Variants in STRIP2 observed in about 807,000 individuals in gnomAD.
STRIP2 encodes striatin-interacting protein 2.
Under a neutral mutation model 107.1 loss-of-function variants are expected in STRIP2, and 84 were observed. The observed-to-expected ratio is 0.78, with a 90% CI of 0.66 to 0.94. The LOEUF is 0.94. Ranked by LOEUF, STRIP2 falls within the 40% of genes least tolerant of loss-of-function variation. The pLI, the probability that STRIP2 is intolerant of heterozygous loss-of-function variation, is 0.00. For missense variants in STRIP2, 888 were observed against 1,034.2 expected (o/e 0.86, Z 1.94); for synonymous variants, 394 against 400.4 (o/e 0.98, Z 0.19).
At chr7:129,485,108 C>T (rs906304392) in intron 20 of STRIP2, among the ~76,000 whole-genome samples, 1 of 152,106 alleles carries the variant, frequency 6.6e-6, no homozygotes, top group Non-Finnish European at 1.5e-5. Flanking sequence ...CCCTCTTGCC[C>T]CTTCCTATTC....
At chr7:129,445,302 A>T (rs993654398) in intron 3 of STRIP2, among the ~76,000 whole-genome samples, 2 of 152,074 alleles carry the variant, frequency 1.3e-5, no homozygotes, top group African/African-American at 4.8e-5. Flanking sequence ...CCAACACTGT[A>T]ACTCCCTTCT....
intron 4 of STRIP2, among the ~76,000 whole-genome samples, chr7:129,452,548 G>A (rs1020799068): frequency 2.0e-5 from 3 of 152,140 alleles, no homozygotes; most frequent in African/African-American, 4.8e-5. Context: ...TTTGCCCAAG[G>A]ACTTTATTTA....
intron 1 of STRIP2, 26 bp downstream of exon 1, chr7:129,434,627 G>A: frequency 6.9e-7 from 1 of 1,452,596 alleles, no homozygotes; most frequent in South Asian, 1.3e-5. Flanking sequence ...AGCTTCGGCT[G>A]GGGCCCGGAG....
Position 129,451,759 on chromosome 7 carries a change from C to A in STRIP2, c.409+12C>A, listed in dbSNP as rs761527847. On this transcript the variant is annotated intron_variant, in intron 4 of 20. Transcript: ENST00000249344. ...CTACCTGGCCCAAGGTGAGTGACCA[C>A]CCTTGCTAGCTTTAGAGGGGTGGAG... is the stretch of plus-strand genomic sequence containing the variant. 1.5e-5 allele frequency: 24 copies of A among 1,601,570 alleles called. No homozygotes were observed. The highest frequency in any genetic ancestry group is 5.7e-5 in the African/African-American group (4 of 69,608).
At chr7:129,463,118 G>T in intron 14 of STRIP2, 78 bp downstream of exon 14, 1 of 1,181,910 alleles carries the variant, frequency 8.5e-7, no homozygotes, top group Non-Finnish European at 1.2e-6. Context: ...AAGTGGACCT[G>T]TCCAACACTT....
Position 129,454,228 on chromosome 7 carries a change from T to C in STRIP2, c.599+18T>C, listed in dbSNP as rs113700662. The stretch of plus-strand genomic sequence containing the variant: ...GAGCTCAGGTGAGTGGGGCTAACTA[T>C]GGGCTTGGAACAGGGCAGATGATTA... On this transcript the variant is annotated intron_variant, in intron 6 of 20. Coordinates refer to ENST00000249344, the MANE Select transcript of STRIP2 (RefSeq NM_020704.3). 40 of 1,613,646 alleles carry C rather than the reference T, an allele frequency of 2.5e-5. No homozygotes were observed. The African/African-American group carries it at 5.1e-4, about 20-fold the overall frequency.
intron 15 of STRIP2, 39 bp from the exon 16 acceptor site, chr7:129,464,573 G>A: frequency 6.2e-7 from 1 of 1,612,530 alleles, no homozygotes; most frequent in Non-Finnish European, 8.5e-7. Flanking sequence ...CTCCCTTTAA[G>A]GCCACTCTCT....
At chr7:129,468,191 A>C (rs1798715360) in intron 17 of STRIP2, among the ~76,000 whole-genome samples, 1 of 152,208 alleles carries the variant, frequency 6.6e-6, no homozygotes, top group Non-Finnish European at 1.5e-5. Flanking sequence ...GAAATATGTT[A>C]ATCAGTAGAG....
In STRIP2 at chr7:129,456,578, A is replaced by G; in HGVS notation, c.974A>G (p.Asp325Gly). Residue 325 changes from aspartate to glycine, a missense_variant, in exon 9 of 21, where the codon GAC (aspartate) becomes GGC (glycine). By Grantham distance (94) the Asp-to-Gly change is moderately conservative. Coordinates refer to ENST00000249344, the MANE Select transcript of STRIP2 (RefSeq NM_020704.3). ...GCCTCCCCGCCCTCTTACACTCTTG[A>G]CCTGGGAGAGTCTCAGCTGGCACCC... is the stretch of plus-strand genomic sequence containing the variant. ...RAASPPSYTL[D>G]LGESQLAPPP... 1 of 1,613,800 alleles carries G rather than the reference A, an allele frequency of 6.2e-7. No homozygotes were observed. Among genetic ancestry groups the G allele is most frequent in the Non-Finnish European group, 8.5e-7 (1 of 1,179,966 alleles).
intron 18 of STRIP2, among the ~76,000 whole-genome samples, chr7:129,480,038 A>G (rs1344894485): frequency 6.6e-6 from 1 of 152,100 alleles, no homozygotes; most frequent in Non-Finnish European, 1.5e-5. Context: ...AATTTCCAAG[A>G]TGTTAGTTTG....
At chr7:129,469,800 T>C (rs1798750689) in intron 17 of STRIP2, among the ~76,000 whole-genome samples, 1 of 152,250 alleles carries the variant, frequency 6.6e-6, no homozygotes, top group Non-Finnish European at 1.5e-5. Flanking sequence ...CAGTGTGAAC[T>C]TGTCGTCGTC....
At position 129,462,848 on chromosome 7, in the gene STRIP2, A is replaced by C. The variant is rs1798576196; in HGVS notation, c.1477-118A>C. ...TGAGTCATTAACACAGCTAGGGTAGAAACCTAGATCTGACTCCCAGCTTAG... is the reference window on the plus strand; with the variant it reads ...TGAGTCATTAACACAGCTAGGGTAGCAACCTAGATCTGACTCCCAGCTTAG... On this transcript the variant is annotated intron_variant, in intron 13 of 20. Coordinates refer to ENST00000249344, the MANE Select transcript of STRIP2 (RefSeq NM_020704.3). The C allele has an allele frequency of 9.6e-6, 7 of 732,086 alleles. 1 individual carries two copies. In the South Asian group the frequency reaches 1.2e-4, roughly 13 times the overall value. 45.3% of individuals were successfully genotyped at this position (732,086 alleles called of 1,614,324 possible). A position where few individuals can be genotyped will look rare whatever the true frequency, so the allele number is the denominator to read the frequency against.
rs1437777358 is a variant in STRIP2 at position 129,464,071 on chromosome 7, G to A, written c.1579G>A (p.Ala527Thr). Reference sequence around the variant, plus strand: ...CGCTCTGCTTAAGATTCTGCTGGCTGCAGCTCCCACCTCTAAGGCTAAGAC... The same window carrying A: ...CGCTCTGCTTAAGATTCTGCTGGCTACAGCTCCCACCTCTAAGGCTAAGAC... ...MIALLKILLAAAPTSKAKTDS... is the reference protein window; with the variant it reads ...MIALLKILLATAPTSKAKTDS... Residue 527 changes from alanine to threonine, a missense_variant, in exon 15 of 21, where the codon GCA (alanine) becomes ACA (threonine). By Grantham distance (58) the Ala-to-Thr change is moderately conservative. Coordinates refer to ENST00000249344, the MANE Select transcript of STRIP2 (RefSeq NM_020704.3). The A allele has an allele frequency of 6.2e-7, 1 of 1,613,554 alleles. No homozygotes were observed. Among genetic ancestry groups the A allele is most frequent in the African/African-American group, 1.3e-5 (1 of 75,022 alleles).
At position 129,463,677 on chromosome 7, in the gene STRIP2, T is replaced by C. The variant is rs373852816; in HGVS notation, c.1552-367T>C. On this transcript the variant is annotated intron_variant, in intron 14 of 20. Transcript: ENST00000249344. ...CGCCAGCTAGTTTTTGTATTTTTAG[T>C]AGAGATGGAGTTTTACCATGTTGGC... Among the ~76,000 whole-genome samples the C allele has an allele frequency of 5.3e-4, 80 of 152,278 alleles. No individual in the cohort carries two copies. The South Asian group carries it at 0.016, about 30-fold the overall frequency.
In STRIP2 at chr7:129,478,889, C is replaced by T. The variant is rs553020285; in HGVS notation, c.1945-1896C>T. ...CTGAGGACTGCAAGGCTTTTTATGC[C>T]TCTACCGTATTGAAAATCAGGATGA... On this transcript the variant is annotated intron_variant, in intron 18 of 20. Transcript: ENST00000249344. Among the ~76,000 whole-genome samples, 4 of 152,246 alleles carry T rather than the reference C, an allele frequency of 2.6e-5. 1 individual carries two copies. Among genetic ancestry groups the T allele is most frequent in the African/African-American group, 7.2e-5 (3 of 41,550 alleles).
chr7:129,442,075 A>C (rs1584934364), intron 2 of STRIP2, among the ~76,000 whole-genome samples: 3 of 152,180 alleles, frequency 2.0e-5, no homozygotes, highest in Non-Finnish European at 4.4e-5. Flanking sequence ...AAATACAAAA[A>C]TTAGCTGGGC....
intron 1 of STRIP2, among the ~76,000 whole-genome samples, chr7:129,438,464 C>T (rs1046941315): frequency 1.3e-5 from 2 of 152,112 alleles, no homozygotes; most frequent in Admixed American, 6.5e-5. Flanking sequence ...AGTGCTAGGC[C>T]GTGTGCCTTT....
intron 18 of STRIP2, among the ~76,000 whole-genome samples, chr7:129,473,593 C>T (rs1165900265): frequency 6.6e-6 from 1 of 152,220 alleles, no homozygotes; most frequent in Non-Finnish European, 1.5e-5. Flanking sequence ...TGATCTTGAA[C>T]TCCTGGGCTC....
rs1363902223 is a variant in STRIP2 at position 129,458,590 on chromosome 7, T to C, written c.1275-122T>C. 1.5e-6 allele frequency: 2 copies of C among 1,290,904 alleles called. No individual in the cohort carries two copies. Among genetic ancestry groups the C allele is most frequent in the Non-Finnish European group, 1.1e-6 (1 of 917,778 alleles). The allele number at this position is 1,290,904 out of a possible 1,614,324, so 80.0% of individuals were successfully genotyped here. A position where few individuals can be genotyped will look rare whatever the true frequency, so the allele number is the denominator to read the frequency against. On this transcript the variant is annotated intron_variant, in intron 10 of 20. Transcript: ENST00000249344. The surrounding 1 kb of genome is among the most constrained non-coding windows in gnomAD (Gnocchi z 4.6). ...CTGGGTTTGAAATTCCTTCTGTTGATTGCTGCCTTTTTCCACTGCTCCAGT... is the reference window on the plus strand; with the variant it reads ...CTGGGTTTGAAATTCCTTCTGTTGACTGCTGCCTTTTTCCACTGCTCCAGT...
Sources: allele counts gnomAD v4.1 joint callset (sites outside exome capture counted in the v4.1 genomes callset), GRCh38; gene constraint gnomAD v4.1.1; non-coding constraint Gnocchi (gnomAD v3.1); transcripts MANE v1.5; gene names NCBI Gene and HGNC (gene_info 2026-07-23, HGNC 2026-07-21).